The following CDH22 variants were observed in gnomAD, a reference collection of about 807,000 sequenced individuals.
The protein encoded by CDH22 is cadherin 22, also known as cadherin-22.
In CDH22, 30 loss-of-function variants were observed where a neutral mutation model predicts 58.4. That is an observed-to-expected ratio of 0.51 (90% confidence interval 0.38 to 0.70). The LOEUF is 0.70. Ranked by LOEUF, CDH22 falls within the 30% of genes least tolerant of loss-of-function variation. The pLI, the probability that CDH22 is intolerant of heterozygous loss-of-function variation, is 0.00. For synonymous variants in CDH22, 513 were observed against 558.2 expected, an observed-to-expected ratio of 0.92 and a Z score of 1.14; for missense variants, 1,014 against 1,233.9, an observed-to-expected ratio of 0.82 and a Z score of 2.67.
At chr20:46,265,639 G>T (rs2086455731) in intron 1 of CDH22, among the ~76,000 whole-genome samples, 1 of 152,108 alleles carries the variant, frequency 6.6e-6, no homozygotes, top group Admixed American at 6.5e-5. Flanking sequence ...ATATCATACT[G>T]AATGGTCTTT....
intron 2 of CDH22, among the ~76,000 whole-genome samples, chr20:46,247,127 T>TA (rs1269476081): frequency 6.6e-6 from 1 of 152,090 alleles, no homozygotes; most frequent in Non-Finnish European, 1.5e-5. Context: ...AGTTCACAGT[T>TA]AGATGGTACA....
intron 10 of CDH22, among the ~76,000 whole-genome samples, chr20:46,184,850 C>G (rs1255456698): frequency 6.6e-6 from 1 of 152,116 alleles, no homozygotes; most frequent in East Asian, 1.9e-4. Context: ...CTTTGGTAGG[C>G]CGAGGCGGGC....
intron 1 of CDH22, among the ~76,000 whole-genome samples, chr20:46,292,927 T>TGC (rs1443555118): frequency 2.0e-5 from 3 of 151,444 alleles, no homozygotes; most frequent in Non-Finnish European, 4.4e-5. Context: ...TGTGTGTGTG[T>TGC]GTGTGTGTGT....
Position 46,281,485 on chromosome 20 carries a change from T to C in CDH22, c.-400+26770A>G, listed in dbSNP as rs528693284. Among the ~76,000 whole-genome samples the C allele has an allele frequency of 2.0e-5, 3 of 152,356 alleles. No homozygotes were observed. The East Asian group carries it at 5.8e-4, about 29-fold the overall frequency. ...ACATACGCCTACCCTGATACTCTCT[T>C]GTCCTTGTCGACAGCTTTTCTTGGG... On this transcript the variant is annotated intron_variant, in intron 1 of 11. Transcript: ENST00000537909.
chr20:46,191,622 G>A (rs2085862558), intron 8 of CDH22, among the ~76,000 whole-genome samples: 1 of 152,190 alleles, frequency 6.6e-6, no homozygotes, highest in African/African-American at 2.4e-5. Flanking sequence ...TGTTGTTGCT[G>A]TTTTACTGAT....
chr20:46,222,302 C>T (rs1158132220), intron 4 of CDH22, among the ~76,000 whole-genome samples: 4 of 152,186 alleles, frequency 2.6e-5, no homozygotes, highest in African/African-American at 4.8e-5. Flanking sequence ...GCTCAAATGA[C>T]GTTTTGACTG....
Position 46,221,339 on chromosome 20 carries a change from C to T in CDH22, c.671-4346G>A, listed in dbSNP as rs538832797. ...TGATAGAGAAATCCAGTTGGCTGGGCCATTCCTCTGCTGATTTTGTCTGGG... is the reference window on the plus strand; with the variant it reads ...TGATAGAGAAATCCAGTTGGCTGGGTCATTCCTCTGCTGATTTTGTCTGGG... On this transcript the variant is annotated intron_variant, in intron 4 of 11. Coordinates refer to ENST00000537909, the MANE Select transcript of CDH22 (RefSeq NM_021248.3). Among the ~76,000 whole-genome samples, 6 of 149,962 alleles carry T rather than the reference C, an allele frequency of 4.0e-5. No individual in the cohort carries two copies. The East Asian group carries it at 1.2e-3, about 29-fold the overall frequency.
At chr20:46,256,844 CTA>C (rs2086408998) in intron 1 of CDH22, among the ~76,000 whole-genome samples, 1 of 151,546 alleles carries the variant, frequency 6.6e-6, no homozygotes, top group African/African-American at 2.4e-5. Flanking sequence ...CTACAAAAAA[CTA>C]TTTAAAAAAA....
chr20:46,226,292 CTTT>C (rs1349617347), intron 4 of CDH22, among the ~76,000 whole-genome samples: 3 of 105,446 alleles, frequency 2.8e-5, no homozygotes, highest in East Asian at 2.9e-4. Context: ...TCTTCTTCTT[CTTT>C]TTTTTTTTGA....
intron 10 of CDH22, among the ~76,000 whole-genome samples, chr20:46,185,226 C>G (rs1294810410): frequency 1.3e-5 from 2 of 151,980 alleles, no homozygotes; most frequent in Non-Finnish European, 2.9e-5. Flanking sequence ...TATAGAGCAC[C>G]CTTCGCTGAG....
intron 4 of CDH22, among the ~76,000 whole-genome samples, chr20:46,226,292 C>CTTCTTCTTCTTTT (rs2086174105): frequency 9.5e-6 from 1 of 105,446 alleles, no homozygotes; most frequent in African/African-American, 5.1e-5. Context: ...TCTTCTTCTT[C>CTTCTTCTTCTTTT]TTTTTTTTTT....
chr20:46,241,279 C>A lies in CDH22; in HGVS notation c.256-22G>T, dbSNP rs774818178. ...GGATCTGGGTAGGCAGAGAAGAAGGCAAGGTGGAGGCTGAGAAGGAAGCTC... is the reference window on the plus strand; with the variant it reads ...GGATCTGGGTAGGCAGAGAAGAAGGAAAGGTGGAGGCTGAGAAGGAAGCTC... On this transcript the variant is annotated intron_variant, in intron 2 of 11. Transcript: ENST00000537909. The surrounding 1 kb of genome is among the most constrained non-coding windows in gnomAD (Gnocchi z 5.2). 1.3e-6 allele frequency: 2 copies of A among 1,565,522 alleles called. No individual in the cohort carries two copies. The highest frequency in any genetic ancestry group is 1.7e-6 in the Non-Finnish European group (2 of 1,152,158).
At chr20:46,268,419 C>T (rs1023219152) in intron 1 of CDH22, among the ~76,000 whole-genome samples, 4 of 152,262 alleles carry the variant, frequency 2.6e-5, no homozygotes, top group East Asian at 3.8e-4. Context: ...CTGAAAATTC[C>T]GCTTTCATCT....
In CDH22 at chr20:46,301,150, A is replaced by G. The variant is rs1311347962; in HGVS notation, c.-400+7105T>C. 2.0e-5 allele frequency among the ~76,000 whole-genome samples: 3 copies of G among 152,182 alleles called. No homozygotes were observed. The East Asian group carries it at 5.8e-4, about 29-fold the overall frequency. ...CCAAGTGGTGGTAAAATTATGGCTA[A>G]TTAAAAATGCTTTCATATATAAAAA... On this transcript the variant is annotated intron_variant, in intron 1 of 11. Transcript: ENST00000537909.
At chr20:46,298,640 GTGGA>G (rs568970672) in intron 1 of CDH22, among the ~76,000 whole-genome samples, 11 of 151,950 alleles carry the variant, frequency 7.2e-5, no homozygotes, top group African/African-American at 2.7e-4. Context: ...TGATGAATGG[GTGGA>G]TGGATGGATG....
intron 2 of CDH22, among the ~76,000 whole-genome samples, chr20:46,245,398 C>T (rs1405277192): frequency 6.6e-6 from 1 of 152,198 alleles, no homozygotes; most frequent in Non-Finnish European, 1.5e-5. Flanking sequence ...TAGTGTTGCA[C>T]ATCTGTGTCC....
At chr20:46,265,753 C>T (rs150739677) in intron 1 of CDH22, among the ~76,000 whole-genome samples, 10 of 149,446 alleles carry the variant, frequency 6.7e-5, no homozygotes, top group Admixed American at 2.0e-4. Flanking sequence ...ATGAATATAC[C>T]GTGACTTAGA....
At chr20:46,229,291 C>T (rs1264658224) in intron 3 of CDH22, among the ~76,000 whole-genome samples, 1 of 63,606 alleles carries the variant, frequency 1.6e-5, no homozygotes, top group Admixed American at 1.4e-4. Flanking sequence ...GCAGAGTGGC[C>T]CCCCCCCCCA....
chr20:46,192,922 C>G (rs6094261), intron 8 of CDH22, among the ~76,000 whole-genome samples: 12,593 of 152,042 alleles, frequency 0.083, 1,178 homozygotes, highest in East Asian at 0.38. Flanking sequence ...CATGCCCCCC[C>G]CCAGTGGGAG....
Sources: allele counts gnomAD v4.1 joint callset (sites outside exome capture counted in the v4.1 genomes callset), GRCh38; gene constraint gnomAD v4.1.1; non-coding constraint Gnocchi (gnomAD v3.1); transcripts MANE v1.5; gene names NCBI Gene and HGNC (gene_info 2026-07-23, HGNC 2026-07-21).